BPIFB6: variants seen among roughly 807,000 people sequenced by gnomAD.
BPIFB6 encodes the protein BPI fold-containing family B member 6.
Under a neutral mutation model 54.7 loss-of-function variants are expected in BPIFB6, and 47 were observed. That is an observed-to-expected ratio of 0.86 (90% CI 0.68 to 1.10). The LOEUF (loss-of-function observed/expected upper bound fraction) is 1.10, where lower values mean the gene tolerates loss of function less well. BPIFB6 is among the 50% of genes least tolerant of loss of function. The pLI is 0.00. For synonymous variants in BPIFB6, 255 were observed against 225.9 expected (o/e 1.13, Z -1.16); for missense variants, 603 against 564.1 (o/e 1.07, Z -0.70).
Position 33,033,073 on chromosome 20 carries a change from G to C in BPIFB6, c.187G>C (p.Gly63Arg). 2 of 1,613,620 alleles carry C rather than the reference G, an allele frequency of 1.2e-6. No individual in the cohort carries two copies. Among genetic ancestry groups the C allele is most frequent in the Non-Finnish European group, 1.7e-6 (2 of 1,179,586 alleles). The change falls in exon 2 of 15, where the codon GGC becomes CGC. Residue 63 changes from glycine to arginine, a missense_variant. Gly to Arg is a moderately radical substitution (Grantham distance 125). Coordinates refer to ENST00000349552, the MANE Select transcript of BPIFB6 (RefSeq NM_174897.2). ...KKQPGMKPIK[G>R]ITNLKVKDVQ... ...ACAGCCAGGGATGAAACCTATCAAG[G>C]GCATCACCAAGTGAGTAGGGGAGGG... is the stretch of plus-strand genomic sequence containing the variant.
chr20:33,038,863 G>C lies in BPIFB6; in HGVS notation c.847-46G>C, dbSNP rs758552691. 12 of 1,585,066 alleles carry C rather than the reference G, an allele frequency of 7.6e-6. No homozygotes were observed. In the African/African-American group the frequency reaches 8.1e-5, roughly 11 times the overall value. Reference sequence around the variant, plus strand: ...TCAGTGGAGATGTTTGTTAGGATGGGCCAGGGAGGACTCCAGCAACCCTAA... The same window carrying C: ...TCAGTGGAGATGTTTGTTAGGATGGCCCAGGGAGGACTCCAGCAACCCTAA... On this transcript the variant is annotated intron_variant, in intron 8 of 14. Coordinates refer to ENST00000349552, the MANE Select transcript of BPIFB6 (RefSeq NM_174897.2).
At chr20:33,040,371 T>TC in intron 11 of BPIFB6, 53 bp downstream of exon 11, 1 of 1,552,808 alleles carries the variant, frequency 6.4e-7, no homozygotes, top group South Asian at 1.1e-5. Flanking sequence ...CATTTGGCCT[T>TC]CTGATCTAGC....
At position 33,037,639 on chromosome 20, in the gene BPIFB6, T is replaced by A; in HGVS notation, c.747T>A (p.Tyr249Ter). The A allele has an allele frequency of 6.2e-7, 1 of 1,614,168 alleles. No individual in the cohort carries two copies. Residue 249 changes from tyrosine (Y) to a stop codon, truncating the protein, a stop_gained, in exon 8 of 15, where the codon TAT becomes TAA. Coordinates refer to ENST00000349552, the MANE Select transcript of BPIFB6 (RefSeq NM_174897.2). LOFTEE classifies it high-confidence loss of function. ...AGEALTFPEG[Y>*]AKGSSQLLLP... ...AGGCCCTCACGTTCCCTGAGGGTTATGCCAAAGGCTCGTCGCAGCTGCTGC... is the reference window on the plus strand; with the variant it reads ...AGGCCCTCACGTTCCCTGAGGGTTAAGCCAAAGGCTCGTCGCAGCTGCTGC...
chr20:33,038,656 C>T (rs960541386), intron 8 of BPIFB6, among the ~76,000 whole-genome samples: 1 of 152,212 alleles, frequency 6.6e-6, no homozygotes, highest in African/African-American at 2.4e-5. Flanking sequence ...ACCCATTCTC[C>T]CATCTATCTT....
At chr20:33,043,941 G>T (rs1000774404) in intron 14 of BPIFB6, 74 bp from the exon 15 acceptor site, 1 of 1,562,516 alleles carries the variant, frequency 6.4e-7, no homozygotes, top group Non-Finnish European at 8.8e-7. Flanking sequence ...CCTGACAAGG[G>T]GCCCAGTTCC....
chr20:33,038,381 A>T (rs1568986802), intron 8 of BPIFB6, among the ~76,000 whole-genome samples: 1 of 151,856 alleles, frequency 6.6e-6, no homozygotes, highest in Non-Finnish European at 1.5e-5. Context: ...CAGTCCATTC[A>T]TCTATTTTCC....
rs181757384 is a variant in BPIFB6, at chr20:33,038,877, C to T, written c.847-32C>T. 1,424 of 1,611,820 alleles carry T rather than the reference C, an allele frequency of 8.8e-4. 1 individual carries two copies. The highest frequency in any genetic ancestry group is 4.8e-3 in the Middle Eastern group (29 of 6,062). On this transcript the variant is annotated intron_variant, in intron 8 of 14. Coordinates refer to ENST00000349552, the MANE Select transcript of BPIFB6 (RefSeq NM_174897.2). ...TGTTAGGATGGGCCAGGGAGGACTC[C>T]AGCAACCCTAACCTTGACTTTTATT...
At chr20:33,032,710 A>C (rs939733910) in intron 1 of BPIFB6, among the ~76,000 whole-genome samples, 1 of 152,012 alleles carries the variant, frequency 6.6e-6, no homozygotes, top group Admixed American at 6.6e-5. Flanking sequence ...GAAAATTACT[A>C]TTCCCCTTTC....
intron 2 of BPIFB6, 154 bp downstream of exon 2, chr20:33,033,237 G>A: frequency 2.8e-6 from 2 of 704,166 alleles, no homozygotes; most frequent in Non-Finnish European, 5.3e-6. Context: ...GCCTTGGGTA[G>A]GTCACTGCTC....
intron 7 of BPIFB6, 36 bp downstream of exon 7, chr20:33,036,572 A>G (rs750248619): frequency 7.7e-6 from 12 of 1,553,300 alleles, no homozygotes; most frequent in African/African-American, 1.4e-5. Flanking sequence ...CTGGGGTCTC[A>G]GGCTCACTGG....
Position 33,034,895 on chromosome 20 carries a change from G to C in BPIFB6, c.435G>C (p.Lys145Asn), listed in dbSNP as rs749807117. ...GTGAGGTCATCCTGGTCAATGTGAAGACTAACCTGCCTAGCAAGTGAGGGG... is the reference window on the plus strand; with the variant it reads ...GTGAGGTCATCCTGGTCAATGTGAACACTAACCTGCCTAGCAAGTGAGGGG... ...EGCEVILVNV[K>N]TNLPSNMLPK... Residue 145 changes from lysine to asparagine, a missense_variant, in exon 4 of 15, where the codon AAG (lysine) becomes AAC (asparagine). Coordinates refer to ENST00000349552, the MANE Select transcript of BPIFB6 (RefSeq NM_174897.2). 1 of 1,610,720 alleles carries C rather than the reference G, an allele frequency of 6.2e-7. No homozygotes were observed. Among genetic ancestry groups the C allele is most frequent in the Non-Finnish European group, 8.5e-7 (1 of 1,177,216 alleles).
In BPIFB6 at chr20:33,040,278, G is replaced by T; in HGVS notation, c.1102G>T (p.Val368Leu). 1 of 1,614,136 alleles carries T rather than the reference G, an allele frequency of 6.2e-7. No homozygotes were observed. The highest frequency in any genetic ancestry group is 1.3e-5 in the African/African-American group (1 of 75,030). ...CTTCAATCTGAAGGTCCAGTACTCA[G>T]TGCATGAGAACCAGCTGCAGATGGC... ...VHFNLKVQYSVHENQLQMATS... is the reference protein window; with the variant it reads ...VHFNLKVQYSLHENQLQMATS... Residue 368 changes from valine (V) to leucine (L), a missense_variant, in exon 11 of 15, where the codon GTG becomes TTG. Val to Leu is a conservative substitution (Grantham distance 32, BLOSUM62 1). Coordinates refer to ENST00000349552, the MANE Select transcript of BPIFB6 (RefSeq NM_174897.2).
intron 1 of BPIFB6, among the ~76,000 whole-genome samples, chr20:33,032,506 G>A (rs1010894400): frequency 6.6e-6 from 1 of 152,058 alleles, no homozygotes; most frequent in South Asian, 2.1e-4. Context: ...GATAAAGTCA[G>A]TACCCTAGGG....
intron 1 of BPIFB6, 81 bp from the exon 2 acceptor site, chr20:33,032,903 G>T: frequency 8.9e-7 from 1 of 1,124,996 alleles, no homozygotes; most frequent in Non-Finnish European, 1.3e-6. Context: ...CCCAGGGTGG[G>T]GCACAGTGAC....
chr20:33,035,702 C>T (rs780787886), intron 6 of BPIFB6, 30 bp downstream of exon 6: 1 of 1,600,916 alleles, frequency 6.2e-7, no homozygotes, highest in Non-Finnish European at 8.6e-7. Flanking sequence ...CACCTTGCCC[C>T]TACCTAGGGA....
At chr20:33,041,026 G>A (rs1258349080) in intron 11 of BPIFB6, among the ~76,000 whole-genome samples, 4 of 127,396 alleles carry the variant, frequency 3.1e-5, no homozygotes, top group Middle Eastern at 6.2e-3. Flanking sequence ...GTCTCGCTCT[G>A]TTGCCCAGGC....
chr20:33,043,251 A>G, intron 13 of BPIFB6, 40 bp from the exon 14 acceptor site: 3 of 1,579,528 alleles, frequency 1.9e-6, no homozygotes, highest in Non-Finnish European at 2.6e-6. Flanking sequence ...AATCAACTGC[A>G]CAGCAGTCAG....
chr20:33,040,308 T>C lies in BPIFB6; in HGVS notation c.1132T>C (p.Ser378Pro). The change falls in exon 11 of 15, where the codon TCT becomes CCT. Residue 378 changes from serine (S) to proline (P), a missense_variant. Coordinates refer to ENST00000349552, the MANE Select transcript of BPIFB6 (RefSeq NM_174897.2). ...TGAGAACCAGCTGCAGATGGCCACT[T>C]CTTTGGACAGGTACGACCCTGCTGC... Reference protein sequence around the residue: ...VHENQLQMATSLDRLLSLSRK... With the variant: ...VHENQLQMATPLDRLLSLSRK... 1.2e-6 allele frequency: 2 copies of C among 1,614,034 alleles called. No homozygotes were observed. Among genetic ancestry groups the C allele is most frequent in the Non-Finnish European group, 1.7e-6 (2 of 1,179,938 alleles).
At chr20:33,036,306 TAC>T (rs1184909032) in intron 6 of BPIFB6, 137 bp from the exon 7 acceptor site, 2 of 694,782 alleles carry the variant, frequency 2.9e-6, no homozygotes, top group Non-Finnish European at 5.1e-6. Context: ...CAGATGAAGT[TAC>T]AGAGGCCCAG....
Sources: allele counts gnomAD v4.1 joint callset (sites outside exome capture counted in the v4.1 genomes callset), GRCh38; gene constraint gnomAD v4.1.1; transcripts MANE v1.5; gene names NCBI Gene and HGNC (gene_info 2026-07-23, HGNC 2026-07-21).